Variants in ZNF320 observed in about 807,000 individuals in gnomAD.
ZNF320 encodes zinc finger gene 320.
ZNF320 carries 2 observed loss-of-function variants against 6.8 expected under a neutral mutation model. The observed-to-expected ratio is 0.29, with a 90% confidence interval of 0.12 to 0.93. The LOEUF is 0.93. Ranked by LOEUF, ZNF320 falls within the 40% of genes least tolerant of loss-of-function variation. The pLI is 0.55. For synonymous variants in ZNF320, 208 were observed against 203.2 expected (o/e 1.02, Z -0.20); for missense variants, 472 against 611.0 (o/e 0.77, Z 2.40).
At chr19:52,866,329 G>A (rs570103054) in intron 5 of ZNF320, among the ~76,000 whole-genome samples, 4 of 151,420 alleles carry the variant, frequency 2.6e-5, no homozygotes, top group African/African-American at 9.7e-5. Flanking sequence ...GGGAGGCCGA[G>A]GTGGGCAGAT....
intron 3 of ZNF320, among the ~76,000 whole-genome samples, chr19:52,890,791 G>C (rs2064263923): frequency 6.6e-6 from 1 of 152,130 alleles, no homozygotes; most frequent in Non-Finnish European, 1.5e-5. Flanking sequence ...GAGATGAGAG[G>C]ATCACTTGTG....
chr19:52,896,390 CTTTATT>C (rs1405640549), intron 1 of ZNF320, among the ~76,000 whole-genome samples: 2 of 152,156 alleles, frequency 1.3e-5, no homozygotes, highest in Non-Finnish European at 2.9e-5. Flanking sequence ...TGCACACGGC[CTTTATT>C]TTTATTTATT....
intron 4 of ZNF320, among the ~76,000 whole-genome samples, chr19:52,889,478 G>C (rs943146282): frequency 3.3e-5 from 5 of 152,062 alleles, no homozygotes; most frequent in African/African-American, 7.2e-5. Context: ...ATAGTTATAG[G>C]TGGAATAAGA....
chr19:52,902,873 C>T, the ZNF320 span, among the ~76,000 whole-genome samples: 3 of 152,176 alleles, frequency 2.0e-5, no homozygotes, highest in African/African-American at 4.8e-5. Context: ...CTTTGATGTC[C>T]GTTTCACAGA....
chr19:52,897,355 CG>C (rs1464981698), intron 1 of ZNF320, among the ~76,000 whole-genome samples, 164 bp downstream of exon 1: 1 of 152,102 alleles, frequency 6.6e-6, no homozygotes, highest in Non-Finnish European at 1.5e-5. Flanking sequence ...ATCCAGCTCG[CG>C]GGTGAGGACT....
chr19:52,891,520 T>A (rs2064292292), intron 2 of ZNF320, among the ~76,000 whole-genome samples, 174 bp from the exon 3 acceptor site: 1 of 152,112 alleles, frequency 6.6e-6, no homozygotes, highest in African/African-American at 2.4e-5. Flanking sequence ...TGTGATCATT[T>A]AGGGACATAG....
At chr19:52,874,670 C>T (rs1480656790), downstream of ZNF320, among the ~76,000 whole-genome samples, 1 of 151,982 alleles carries the variant, frequency 6.6e-6, no homozygotes, top group Non-Finnish European at 1.5e-5. Flanking sequence ...CAGTGAACAG[C>T]GAAGGAGCAA....
At chr19:52,859,774 G>C (rs944784934), downstream of ZNF320, among the ~76,000 whole-genome samples, 3 of 152,096 alleles carry the variant, frequency 2.0e-5, no homozygotes, top group Non-Finnish European at 4.4e-5. Context: ...CTGGGGCTGG[G>C]TAGTCTTCCT....
At chr19:52,860,367 A>C (rs1233608440), downstream of ZNF320, among the ~76,000 whole-genome samples, 1 of 152,086 alleles carries the variant, frequency 6.6e-6, no homozygotes, top group African/African-American at 2.4e-5. Context: ...GAAAGGCTGT[A>C]CCAGGGGGAT....
Position 52,862,101 on chromosome 19 carries a change from T to G in ZNF320, c.*1928A>C, listed in dbSNP as rs374146803. The stretch of plus-strand genomic sequence containing the variant: ...CACATTTATTAACACTTGTAAGATC[T>G]CTCTTCATTACGGATTCTCCAATGA... On this transcript the variant is annotated 3_prime_UTR_variant, in exon 6 of 6. Coordinates refer to the ZNF320 transcript ENST00000673631. The G allele has an allele frequency of 7.7e-4, 287 of 374,894 alleles. 2 individuals are homozygous for G. Among genetic ancestry groups the G allele is most frequent in the African/African-American group, 5.7e-3 (270 of 47,512 alleles). 23.2% of individuals were successfully genotyped at this position (374,894 alleles called of 1,614,324 possible).
chr19:52,871,654 T>C (rs12972155), downstream of ZNF320, among the ~76,000 whole-genome samples: 28,415 of 152,138 alleles, frequency 0.19, 2,887 homozygotes, highest in East Asian at 0.28. Context: ...ATGTTCAAAA[T>C]GTACACATTG....
Position 52,880,703 on chromosome 19 carries a change from C to A in ZNF320, c.1423G>T (p.Gly475Cys). 1 of 1,613,926 alleles carries A rather than the reference C, an allele frequency of 6.2e-7. No homozygotes were observed. Residue 475 changes from glycine (G) to cysteine (C), a missense_variant, in exon 6 of 6, where the codon GGC becomes TGC. This residue lies in a region of ZNF320 where 462 missense variants were observed against 559.7 expected (regional missense o/e 0.83). Coordinates refer to ENST00000682928, the MANE Select transcript of ZNF320 (RefSeq NM_001351774.2). ...GQKSYKCHQC[G>C]KVFSLRSLLA... ...AGTGACCTCAGACTAAAGACCTTGC[C>A]ACACTGATGACATTTGTAAGATTTC...
At chr19:52,883,584 T>C (rs1021964588) in intron 5 of ZNF320, 2 of 454,294 alleles carry the variant, frequency 4.4e-6, no homozygotes, top group Non-Finnish European at 8.8e-6. Flanking sequence ...GTGAAGAAAA[T>C]ACACAGAATT....
chr19:52,892,967 C>T lies in ZNF320; in HGVS notation c.-192+812G>A, dbSNP rs1325416723. 2.6e-5 allele frequency among the ~76,000 whole-genome samples: 4 copies of T among 152,110 alleles called. No homozygotes were observed. In the South Asian group the frequency reaches 6.2e-4, roughly 24 times the overall value. ...TCTCTGTACATCTAGCTTTTCTCTA[C>T]ATTTCTCCAGTTGCTTTTCTCCTCC... On this transcript the variant is annotated intron_variant, in intron 2 of 5. Transcript: ENST00000682928.
upstream of ZNF320, among the ~76,000 whole-genome samples, chr19:52,898,772 C>T (rs535462382): frequency 2.0e-5 from 3 of 152,274 alleles, no homozygotes; most frequent in East Asian, 3.9e-4. Context: ...CAGAACAGAG[C>T]GGGGAGTTTT....
At chr19:52,863,992 C>A (rs560932156) in exon 6 of ZNF320, 3 of 457,792 alleles carry the variant, frequency 6.6e-6, no homozygotes, top group South Asian at 3.3e-5. Flanking sequence ...CCAAGATACA[C>A]AAGGACAGAT....
At chr19:52,899,751 G>A (rs557962064), upstream of ZNF320, among the ~76,000 whole-genome samples, 27 of 152,168 alleles carry the variant, frequency 1.8e-4, no homozygotes, top group Middle Eastern at 3.2e-3. Flanking sequence ...GTGAGCCACC[G>A]CGCCCGGTGA....
chr19:52,862,237 TA>T, exon 6 of ZNF320: 1 of 653,834 alleles, frequency 1.5e-6, no homozygotes. Flanking sequence ...GATTGCCCAC[TA>T]AAGGCTTTGC....
downstream of ZNF320, among the ~76,000 whole-genome samples, chr19:52,860,160 C>T (rs2147756218): frequency 6.6e-6 from 1 of 152,270 alleles, no homozygotes; most frequent in Middle Eastern, 3.4e-3. Flanking sequence ...GATGCTCCCG[C>T]CTCGGCCTCC....
Sources: allele counts gnomAD v4.1 joint callset (sites outside exome capture counted in the v4.1 genomes callset), GRCh38; gene constraint gnomAD v4.1.1; regional missense constraint gnomAD v4.1.1; transcripts MANE v1.5; gene names NCBI Gene and HGNC (gene_info 2026-07-23, HGNC 2026-07-21).